Variants in CAMTA1 observed in about 807,000 individuals in gnomAD.
CAMTA1 encodes calmodulin-binding transcription activator 1.
CAMTA1 carries 27 observed loss-of-function variants against 170.9 expected under a neutral mutation model. The ratio of observed to expected loss-of-function variants is 0.16; its 90% CI spans 0.12 to 0.22. CAMTA1 has a LOEUF of 0.22. Among genes scored for constraint, CAMTA1 ranks in the 10% least tolerant of loss-of-function variants. CAMTA1 has a pLI of 1.00. For synonymous variants in CAMTA1, 833 were observed against 891.5 expected (o/e 0.93, Z 1.17); for missense variants, 1,619 against 2,217.2 (o/e 0.73, Z 5.42).
At chr1:7,290,418 A>C (rs1246926669) in intron 5 of CAMTA1, among the ~76,000 whole-genome samples, 1 of 152,228 alleles carries the variant, frequency 6.6e-6, no homozygotes, top group East Asian at 1.9e-4. Context: ...TATGTGGAGT[A>C]GTGGATGTTA....
intron 4 of CAMTA1, among the ~76,000 whole-genome samples, chr1:7,115,909 G>A (rs936429230): frequency 6.6e-6 from 1 of 152,042 alleles, no homozygotes; most frequent in African/African-American, 2.4e-5. Flanking sequence ...GGCACATGAG[G>A]AGGGCAACCT....
At chr1:7,518,613 A>G (rs934122597) in intron 6 of CAMTA1, among the ~76,000 whole-genome samples, 1 of 151,954 alleles carries the variant, frequency 6.6e-6, no homozygotes, top group African/African-American at 2.4e-5. Context: ...CTCAGGAGAA[A>G]TGGACCTGTG....
At chr1:7,475,977 T>A (rs985231575) in intron 6 of CAMTA1, among the ~76,000 whole-genome samples, 1 of 147,650 alleles carries the variant, frequency 6.8e-6, no homozygotes, top group Non-Finnish European at 1.5e-5. Context: ...CTGGATGTGC[T>A]GGCCTCACAG....
At chr1:7,166,630 C>T (rs1385564621) in intron 4 of CAMTA1, among the ~76,000 whole-genome samples, 1 of 152,086 alleles carries the variant, frequency 6.6e-6, no homozygotes, top group East Asian at 1.9e-4. Context: ...CCATTCTTTT[C>T]CTTGCTATTG....
rs139493262 is a variant in CAMTA1, at chr1:7,104,042, A to ACG, written c.302+12672_302+12673insGC. ...CATGTACACACTACATATGCATACAACACACACAACTACACAGATGTACAC... is the reference window on the plus strand; with the variant it reads ...CATGTACACACTACATATGCATACAACGCACACACAACTACACAGATGTACAC... On this transcript the variant is annotated intron_variant, in intron 4 of 22. Coordinates refer to ENST00000303635, the MANE Select transcript of CAMTA1 (RefSeq NM_015215.4). Among the ~76,000 whole-genome samples, 7 of 3,334 alleles carry ACG rather than the reference A, an allele frequency of 2.1e-3. No individual in the cohort carries two copies. The African/African-American group carries it at 0.034, about 16-fold the overall frequency. 2.2% of individuals were successfully genotyped at this position (3,334 alleles called of 152,430 possible).
chr1:7,563,355 A>G (rs2094987530), intron 6 of CAMTA1, among the ~76,000 whole-genome samples: 1 of 152,190 alleles, frequency 6.6e-6, no homozygotes, highest in Non-Finnish European at 1.5e-5. Context: ...CCGCACCTCA[A>G]GAAGCCTGGT....
Position 7,216,128 on chromosome 1 carries a change from C to T in CAMTA1, c.303-33363C>T, listed in dbSNP as rs931440894. ...GAAGGCGAAGGGGAAGCCCGCGTGT[C>T]CTGCGTGGCTGGAGCAGGAGGAAGA... On this transcript the variant is annotated intron_variant, in intron 4 of 22. Transcript: ENST00000303635. This position sits in a 1 kb window ranked among gnomAD's most constrained non-coding sequence, Gnocchi z 4.0. 6.6e-5 allele frequency among the ~76,000 whole-genome samples: 10 copies of T among 152,266 alleles called. No individual in the cohort carries two copies. The highest frequency in any genetic ancestry group is 6.5e-4 in the Admixed American group (10 of 15,290).
rs1277175259 is a variant in CAMTA1 at position 7,682,386 on chromosome 1, C to A, written c.2914+4653C>A. 2.0e-5 allele frequency among the ~76,000 whole-genome samples: 3 copies of A among 152,244 alleles called. No individual in the cohort carries two copies. The highest frequency in any genetic ancestry group is 2.9e-5 in the Non-Finnish European group (2 of 68,046). ...GTGTCTGGGAAGACTGAGAGCCTCG[C>A]TCCTGTCTAAGCAAGTGGAGAGAAG... On this transcript the variant is annotated intron_variant, in intron 11 of 22. Transcript: ENST00000303635. This position sits in a 1 kb window ranked among gnomAD's most constrained non-coding sequence, Gnocchi z 5.0.
chr1:6,890,191 G>T (rs1674206502), intron 3 of CAMTA1, among the ~76,000 whole-genome samples: 1 of 152,158 alleles, frequency 6.6e-6, no homozygotes, highest in South Asian at 2.1e-4. Flanking sequence ...CATGTGTTCA[G>T]TGCTCGTCAG....
rs189831516 is a variant in CAMTA1, at chr1:7,609,333, A to G, written c.511-31067A>G. 2.2e-3 allele frequency among the ~76,000 whole-genome samples: 329 copies of G among 152,278 alleles called. 1 individual carries two copies. The highest frequency in any genetic ancestry group is 6.8e-3 in the African/African-American group (281 of 41,556). On this transcript the variant is annotated intron_variant, in intron 6 of 22. Transcript: ENST00000303635. This position sits in a 1 kb window ranked among gnomAD's most constrained non-coding sequence, Gnocchi z 4.4. ...CTGTCATCAGACATCATGTTTACCCATCAGACGCTGTTTTCCTGACACTCA... is the reference window on the plus strand; with the variant it reads ...CTGTCATCAGACATCATGTTTACCCGTCAGACGCTGTTTTCCTGACACTCA...
chr1:7,432,312 C>G (rs918261100), intron 5 of CAMTA1, among the ~76,000 whole-genome samples: 12 of 152,202 alleles, frequency 7.9e-5, no homozygotes, highest in Non-Finnish European at 1.6e-4. Context: ...CAAGGTCACA[C>G]AGCCGGAAAG....
intron 11 of CAMTA1, among the ~76,000 whole-genome samples, chr1:7,731,249 T>C (rs1048403853): frequency 6.6e-6 from 1 of 152,058 alleles, no homozygotes; most frequent in Non-Finnish European, 1.5e-5. Context: ...GAAGTACCTA[T>C]TTATGTTTGT....
At chr1:7,104,369 T>C (rs950212683) in intron 4 of CAMTA1, among the ~76,000 whole-genome samples, 23 of 150,860 alleles carry the variant, frequency 1.5e-4, no homozygotes, top group South Asian at 6.3e-4. Context: ...TCAATACACA[T>C]ACACACACAC....
At chr1:7,653,966 T>G (rs1027325132) in intron 7 of CAMTA1, among the ~76,000 whole-genome samples, 3 of 152,128 alleles carry the variant, frequency 2.0e-5, no homozygotes, top group Non-Finnish European at 2.9e-5. Flanking sequence ...CGAGGGCCCC[T>G]TAGGACACAG....
intron 3 of CAMTA1, among the ~76,000 whole-genome samples, chr1:6,847,816 G>C (rs1658844180): frequency 6.6e-6 from 1 of 151,252 alleles, no homozygotes; most frequent in African/African-American, 2.4e-5. Context: ...TGATTCTTCT[G>C]TCTCAGCCTC....
Position 6,887,495 on chromosome 1 carries a change from C to A in CAMTA1, c.234+62285C>A, listed in dbSNP as rs1445384830. Among the ~76,000 whole-genome samples, 1 of 152,138 alleles carries A rather than the reference C, an allele frequency of 6.6e-6. No individual in the cohort carries two copies. The highest frequency in any genetic ancestry group is 1.9e-4 in the East Asian group (1 of 5,200). On this transcript the variant is annotated intron_variant, in intron 3 of 22. Coordinates refer to ENST00000303635, the MANE Select transcript of CAMTA1 (RefSeq NM_015215.4). This position sits in a 1 kb window ranked among gnomAD's most constrained non-coding sequence, Gnocchi z 4.1. ...GGGTGGGGGTAGATACATACCTGTT[C>A]ATCTGTATACGTATGTGTGTGTTTA... is the stretch of plus-strand genomic sequence containing the variant.
chr1:7,290,269 C>T (rs571189684), intron 5 of CAMTA1, among the ~76,000 whole-genome samples: 3 of 152,298 alleles, frequency 2.0e-5, no homozygotes, highest in African/African-American at 7.2e-5. Context: ...TTCCTTTGGC[C>T]TGGAGCTTTT....
rs75137194 is a variant in CAMTA1, at chr1:7,089,431, C to T, written c.235-1873C>T. 1.9e-3 allele frequency among the ~76,000 whole-genome samples: 291 copies of T among 152,264 alleles called. 8 individuals carry two copies. The South Asian group carries it at 0.04, about 21-fold the overall frequency. The stretch of plus-strand genomic sequence containing the variant: ...TTTAGTCAGGAACTGCTGCATTTTG[C>T]TGCTTTTAAGCTCCTGTGTCAACTA... On this transcript the variant is annotated intron_variant, in intron 3 of 22. Coordinates refer to ENST00000303635, the MANE Select transcript of CAMTA1 (RefSeq NM_015215.4).
chr1:6,846,111 C>A (rs12035477), intron 3 of CAMTA1, among the ~76,000 whole-genome samples: 1 of 152,172 alleles, frequency 6.6e-6, no homozygotes, highest in East Asian at 1.9e-4. Context: ...CTGGCCCCGC[C>A]CTTGACACAT....
Sources: allele counts gnomAD v4.1 joint callset (sites outside exome capture counted in the v4.1 genomes callset), GRCh38; gene constraint gnomAD v4.1.1; non-coding constraint Gnocchi (gnomAD v3.1); transcripts MANE v1.5; gene names NCBI Gene and HGNC (gene_info 2026-07-23, HGNC 2026-07-21).